Variants in PACRGL observed in about 807,000 individuals in gnomAD.
The protein encoded by PACRGL is PACRG-like protein.
In PACRGL, 38 loss-of-function variants were observed where a neutral mutation model predicts 34.5. The ratio of observed to expected loss-of-function variants is 1.10; its 90% CI spans 0.85 to 1.44. PACRGL has a LOEUF of 1.44. PACRGL is among the 40% of genes most tolerant of loss of function. PACRGL has a pLI of 0.00. For missense variants in PACRGL, 305 were observed against 281.4 expected (o/e 1.08, Z -0.60); for synonymous variants, 128 against 100.1 (o/e 1.28, Z -1.66).
chr4:20,712,986 A>C, intron 6 of PACRGL, 64 bp downstream of exon 6: 1 of 1,388,952 alleles, frequency 7.2e-7, no homozygotes, highest in Non-Finnish European at 9.5e-7. Flanking sequence ...GCTGTAATAT[A>C]TTTAGAATAT....
At chr4:20,759,457 G>A in the PACRGL span, among the ~76,000 whole-genome samples, 205 of 152,132 alleles carry the variant, frequency 1.3e-3, no homozygotes, top group African/African-American at 4.5e-3. Flanking sequence ...TTGAACTTCC[G>A]GAAAGGAGAG....
chr4:20,706,151 C>T (rs1292011959), intron 3 of PACRGL, among the ~76,000 whole-genome samples: 2 of 151,276 alleles, frequency 1.3e-5, no homozygotes, highest in Non-Finnish European at 2.9e-5. Flanking sequence ...TGGTTAAAAT[C>T]GATAAAAGTA....
At chr4:20,737,434 A>G (rs1055207699), downstream of PACRGL, among the ~76,000 whole-genome samples, 1 of 152,192 alleles carries the variant, frequency 6.6e-6, no homozygotes, top group African/African-American at 2.4e-5. Context: ...AGAATCTAAA[A>G]AGAGTAAGAG....
At chr4:20,749,481 AATGTGGCT>A in intron 8 of PACRGL, among the ~76,000 whole-genome samples, 1 of 152,154 alleles carries the variant, frequency 6.6e-6, no homozygotes, top group Non-Finnish European at 1.5e-5. Flanking sequence ...AAATAAACTG[AATGTGGCT>A]TGCAATTTGT....
chr4:20,758,956 T>A, the PACRGL span: 1 of 1,276,420 alleles, frequency 7.8e-7, no homozygotes, highest in Admixed American at 1.7e-5. Context: ...TTTTGCACAT[T>A]TTGAAACAGA....
At chr4:20,725,789 C>T (rs1745392161) in intron 8 of PACRGL, among the ~76,000 whole-genome samples, 1 of 151,486 alleles carries the variant, frequency 6.6e-6, no homozygotes, top group Non-Finnish European at 1.5e-5. Flanking sequence ...TGATGGATGC[C>T]TAGAATACAG....
chr4:20,742,919 A>G (rs1214801512), intron 8 of PACRGL, among the ~76,000 whole-genome samples: 2 of 152,158 alleles, frequency 1.3e-5, no homozygotes, highest in Non-Finnish European at 2.9e-5. Context: ...CTATACACCA[A>G]TAATAGACAA....
intron 7 of PACRGL, among the ~76,000 whole-genome samples, chr4:20,722,227 G>T (rs1489590044): frequency 6.6e-6 from 1 of 152,238 alleles, no homozygotes. Context: ...ATCTGTCACA[G>T]CTTTGCTTGG....
At chr4:20,705,880 T>A (rs1734271998) in intron 3 of PACRGL, among the ~76,000 whole-genome samples, 1 of 147,816 alleles carries the variant, frequency 6.8e-6, no homozygotes, top group African/African-American at 2.5e-5. Flanking sequence ...GGGCAGGGAT[T>A]TGGGAGAGGC....
intron 8 of PACRGL, among the ~76,000 whole-genome samples, chr4:20,740,403 G>A (rs1475143179): frequency 3.3e-5 from 5 of 152,198 alleles, no homozygotes; most frequent in Non-Finnish European, 7.3e-5. Context: ...TTACAAGCCA[G>A]AAGAGAGTGG....
chr4:20,719,945 T>A (rs2149159866), intron 7 of PACRGL, among the ~76,000 whole-genome samples: 1 of 152,164 alleles, frequency 6.6e-6, no homozygotes, highest in Non-Finnish European at 1.5e-5. Context: ...AAGTCTCCCA[T>A]TATTATTGTG....
At chr4:20,725,911 A>G (rs775987638) in intron 8 of PACRGL, among the ~76,000 whole-genome samples, 7 of 151,904 alleles carry the variant, frequency 4.6e-5, no homozygotes, top group Non-Finnish European at 7.4e-5. Context: ...GATGTGCAGA[A>G]CTTTCCTCTA....
intron 8 of PACRGL, among the ~76,000 whole-genome samples, chr4:20,726,170 G>A (rs1255957647): frequency 1.3e-5 from 2 of 151,970 alleles, no homozygotes; most frequent in African/African-American, 2.4e-5. Flanking sequence ...GAGTGGAGGG[G>A]GTGTGGAGGA....
At chr4:20,708,358 TA>T (rs1735518266) in intron 4 of PACRGL, among the ~76,000 whole-genome samples, 1 of 152,184 alleles carries the variant, frequency 6.6e-6, no homozygotes, top group African/African-American at 2.4e-5. Context: ...TTTATTTCTA[TA>T]AAGCATTTAT....
At chr4:20,715,769 A>G (rs1820505) in intron 7 of PACRGL, among the ~76,000 whole-genome samples, 76,605 of 151,856 alleles carry the variant, frequency 0.5, 19,890 homozygotes, top group African/African-American at 0.61. Flanking sequence ...GGAGGCTGAG[A>G]CAGGAGAATT....
the PACRGL span, among the ~76,000 whole-genome samples, chr4:20,766,334 C>T: frequency 6.6e-6 from 1 of 152,062 alleles, no homozygotes; most frequent in Non-Finnish European, 1.5e-5. Flanking sequence ...TTTGGGAGGC[C>T]AAGGTGGGTG....
chr4:20,748,623 A>C (rs1345126631), intron 8 of PACRGL, among the ~76,000 whole-genome samples: 14 of 146,098 alleles, frequency 9.6e-5, no homozygotes, highest in African/African-American at 3.5e-4. Context: ...GTAAATATAA[A>C]TGTATATATG....
At chr4:20,717,889 G>A (rs1261527003) in intron 7 of PACRGL, among the ~76,000 whole-genome samples, 1 of 152,176 alleles carries the variant, frequency 6.6e-6, no homozygotes, top group Non-Finnish European at 1.5e-5. Context: ...TTGGTAGCTC[G>A]ATGGGGATGG....
chr4:20,730,252 T>C lies in PACRGL; in HGVS notation c.*2911T>C. ...CAACCACCTATGCCAAAAGCTCAAA[T>C]ATTAAGTGTTTGCAAATGTAAATGC... On this transcript the variant is annotated 3_prime_UTR_variant, in exon 9 of 9. Transcript: ENST00000503585. The C allele has an allele frequency of 8.1e-7, 1 of 1,234,666 alleles. No homozygotes were observed. The highest frequency in any genetic ancestry group is 1.1e-6 in the Non-Finnish European group (1 of 919,982). 76.5% of individuals were successfully genotyped at this position (1,234,666 alleles called of 1,614,324 possible).
Sources: allele counts gnomAD v4.1 joint callset (sites outside exome capture counted in the v4.1 genomes callset), GRCh38; gene constraint gnomAD v4.1.1; transcripts MANE v1.5; gene names NCBI Gene and HGNC (gene_info 2026-07-23, HGNC 2026-07-21).